Variants in TTC6 observed in about 807,000 individuals in gnomAD.
TTC6 encodes tetratricopeptide repeat protein 6.
Under a neutral mutation model 210.4 loss-of-function variants are expected in TTC6, and 172 were observed. The observed-to-expected ratio is 0.82, with a 90% CI of 0.72 to 0.93. The LOEUF (loss-of-function observed/expected upper bound fraction) is 0.93. TTC6 is among the 40% of genes least tolerant of loss of function. TTC6 has a pLI of 0.00. For missense variants in TTC6, 2,414 were observed against 2,318.1 expected (o/e 1.04, Z -0.85); for synonymous variants, 804 against 819.6 (o/e 0.98, Z 0.32).
intron 2 of TTC6, among the ~76,000 whole-genome samples, chr14:37,616,622 G>A (rs370877709): frequency 2.9e-4 from 44 of 151,938 alleles, no homozygotes; most frequent in East Asian, 9.7e-4. Flanking sequence ...GCGTGAACCC[G>A]GGAGACGGAG....
intron 1 of TTC6, among the ~76,000 whole-genome samples, chr14:37,624,110 G>T (rs2095656111): frequency 6.6e-6 from 1 of 152,182 alleles, no homozygotes; most frequent in African/African-American, 2.4e-5. Flanking sequence ...GTGATTTAAG[G>T]AATGTGACCA....
At chr14:37,731,963 G>C (rs190685197) in intron 7 of TTC6, among the ~76,000 whole-genome samples, 71 of 151,848 alleles carry the variant, frequency 4.7e-4, no homozygotes, top group African/African-American at 1.7e-3. Context: ...GGTGTATTGT[G>C]TTTTATCATT....
At chr14:37,690,093 G>A (rs2095800916) in intron 3 of TTC6, among the ~76,000 whole-genome samples, 1 of 151,850 alleles carries the variant, frequency 6.6e-6, no homozygotes, top group Non-Finnish European at 1.5e-5. Flanking sequence ...GAATTTATTA[G>A]TTTTTTTTCT....
intron 29 of TTC6, among the ~76,000 whole-genome samples, chr14:37,839,871 G>A (rs572284234): frequency 6.6e-6 from 1 of 152,140 alleles, no homozygotes; most frequent in South Asian, 2.1e-4. Flanking sequence ...CATATGGCTA[G>A]CCGGTTTTCC....
At chr14:37,806,052 G>A (rs953915911) in intron 21 of TTC6, among the ~76,000 whole-genome samples, 3 of 152,102 alleles carry the variant, frequency 2.0e-5, no homozygotes, top group Admixed American at 1.3e-4. Context: ...AAAAATAAAT[G>A]TGCTGGTTGT....
chr14:37,723,018 T>C lies in TTC6; in HGVS notation c.1714-1880T>C, dbSNP rs1478588487. Among the ~76,000 whole-genome samples the C allele has an allele frequency of 2.6e-5, 4 of 152,320 alleles. No homozygotes were observed. In the South Asian group the frequency reaches 8.3e-4, roughly 32 times the overall value. ...TTTATATCAGTATGATTTGTGAATA[T>C]TTACGTTATACTTTGAGTTGTAATA... On this transcript the variant is annotated intron_variant, in intron 6 of 30. Coordinates refer to ENST00000553443, the Ensembl canonical transcript of TTC6.
intron 1 of TTC6, among the ~76,000 whole-genome samples, chr14:37,675,528 A>G (rs753137473): frequency 7.9e-5 from 12 of 152,106 alleles, no homozygotes; most frequent in Non-Finnish European, 1.5e-4. Flanking sequence ...TAGTGCTGCT[A>G]TAGCATCAAT....
intron 17 of TTC6, 75 bp from the exon 20 acceptor site, chr14:37,795,195 G>T (rs922749175): frequency 4.0e-6 from 4 of 995,466 alleles, no homozygotes. Context: ...CTGTAGAAAG[G>T]GTGGGAGAGG....
intron 3 of TTC6, among the ~76,000 whole-genome samples, 187 bp from the exon 6 acceptor site, chr14:37,696,530 A>G (rs546612117): frequency 1.2e-4 from 18 of 152,222 alleles, no homozygotes; most frequent in Admixed American, 1.0e-3. Flanking sequence ...TTTTATTGTT[A>G]TATAGGTATA....
At chr14:37,794,528 A>C (rs546493170) in intron 17 of TTC6, among the ~76,000 whole-genome samples, 7 of 150,918 alleles carry the variant, frequency 4.6e-5, no homozygotes, top group African/African-American at 1.7e-4. Context: ...GTACAAATTC[A>C]GTTTCTGCGA....
intron 22 of TTC6, among the ~76,000 whole-genome samples, chr14:37,806,987 C>T (rs555245718): frequency 6.6e-6 from 1 of 151,948 alleles, no homozygotes; most frequent in Non-Finnish European, 1.5e-5. Flanking sequence ...TGGTTATGTA[C>T]GAGAATGTCT....
chr14:37,835,600 A>G (rs1173514718), intron 29 of TTC6, among the ~76,000 whole-genome samples: 1 of 152,150 alleles, frequency 6.6e-6, no homozygotes, highest in African/African-American at 2.4e-5. Context: ...TATTGATTAT[A>G]TCTTCTCCAT....
chr14:37,719,413 A>C (rs941333756), intron 6 of TTC6, among the ~76,000 whole-genome samples: 1 of 152,142 alleles, frequency 6.6e-6, no homozygotes, highest in Non-Finnish European at 1.5e-5. Flanking sequence ...TTTGGATAAG[A>C]AGAATAAAAT....
At chr14:37,745,702 G>A (rs2095933888) in intron 10 of TTC6, among the ~76,000 whole-genome samples, 1 of 152,058 alleles carries the variant, frequency 6.6e-6, no homozygotes, top group African/African-American at 2.4e-5. Flanking sequence ...ATTTGTAGTG[G>A]GTATCTGTGG....
intron 29 of TTC6, among the ~76,000 whole-genome samples, chr14:37,838,534 C>G (rs575207899): frequency 2.0e-5 from 3 of 152,134 alleles, no homozygotes; most frequent in Non-Finnish European, 4.4e-5. Context: ...TTTCCTCTCT[C>G]TTTTTTATAC....
At chr14:37,792,940 T>C (rs1287556667) in intron 17 of TTC6, among the ~76,000 whole-genome samples, 1 of 152,122 alleles carries the variant, frequency 6.6e-6, no homozygotes, top group Non-Finnish European at 1.5e-5. Context: ...ATAAATGTTA[T>C]ATGCCCCTGC....
chr14:37,684,552 A>G (rs1372778272), intron 3 of TTC6, among the ~76,000 whole-genome samples: 1 of 152,178 alleles, frequency 6.6e-6, no homozygotes, highest in South Asian at 2.1e-4. Flanking sequence ...TGAAATGAGA[A>G]ATGTTTCAAG....
At chr14:37,608,401 C>T (rs1243034337) in intron 2 of TTC6, among the ~76,000 whole-genome samples, 1 of 152,008 alleles carries the variant, frequency 6.6e-6, no homozygotes, top group Non-Finnish European at 1.5e-5. Flanking sequence ...CCTCGACTTC[C>T]TGGGCCTAAG....
At chr14:37,797,071 A>T (rs779288177) in intron 20 of TTC6, 124 bp downstream of exon 22, 34 of 930,560 alleles carry the variant, frequency 3.7e-5, no homozygotes, top group Non-Finnish European at 4.7e-5. Flanking sequence ...GTGAATTAAC[A>T]TTTGGGTTAT....
Sources: allele counts gnomAD v4.1 joint callset (sites outside exome capture counted in the v4.1 genomes callset), GRCh38; gene constraint gnomAD v4.1.1; transcripts MANE v1.5; gene names NCBI Gene and HGNC (gene_info 2026-07-23, HGNC 2026-07-21).